The following SLC24A2 variants were observed in gnomAD, a reference collection of about 807,000 sequenced individuals.
SLC24A2 encodes the protein sodium/potassium/calcium exchanger 2.
SLC24A2 carries 36 observed loss-of-function variants against 62.0 expected under a neutral mutation model. That is an observed-to-expected ratio of 0.58 (90% CI 0.44 to 0.77). The LOEUF is 0.77. SLC24A2 is among the 30% of genes least tolerant of loss of function. SLC24A2 has a pLI of 0.00. For missense variants in SLC24A2, 846 were observed against 817.9 expected, an observed-to-expected ratio of 1.03 and a Z score of -0.42; for synonymous variants, 358 against 294.0, an observed-to-expected ratio of 1.22 and a Z score of -2.23.
intron 8 of SLC24A2, among the ~76,000 whole-genome samples, chr9:19,535,577 C>A (rs138543410): frequency 1.3e-5 from 2 of 152,164 alleles, no homozygotes; most frequent in Non-Finnish European, 1.5e-5. Context: ...ATGTGACTAG[C>A]CAATTTTCCC....
At chr9:19,662,828 C>T (rs1819141014) in intron 2 of SLC24A2, among the ~76,000 whole-genome samples, 1 of 152,172 alleles carries the variant, frequency 6.6e-6, no homozygotes, top group Non-Finnish European at 1.5e-5. Context: ...TATATACTCA[C>T]AATTGCTCCT....
the SLC24A2 span, among the ~76,000 whole-genome samples, chr9:19,873,536 C>CTTTCTTTCTT: frequency 2.8e-4 from 39 of 137,128 alleles, no homozygotes; most frequent in South Asian, 8.2e-3. Context: ...TCCTTTCTTT[C>CTTTCTTTCTT]TCTTTCTTTC....
At chr9:19,850,998 TA>T in the SLC24A2 span, among the ~76,000 whole-genome samples, 41 of 48,844 alleles carry the variant, frequency 8.4e-4, 5 homozygotes, top group Non-Finnish European at 1.0e-3. Context: ...TATATATATA[TA>T]TACACATACA....
chr9:20,205,682 A>G, the SLC24A2 span, among the ~76,000 whole-genome samples: 1 of 151,594 alleles, frequency 6.6e-6, no homozygotes, highest in Non-Finnish European at 1.5e-5. Context: ...AAACAAACAA[A>G]AAAACGTTTA....
the SLC24A2 span, among the ~76,000 whole-genome samples, chr9:19,939,507 C>T: frequency 1.3e-5 from 2 of 152,218 alleles, no homozygotes; most frequent in African/African-American, 2.4e-5. Context: ...CTGTACAGGG[C>T]GCTTACCACG....
At chr9:19,769,122 A>G (rs1822606998) in intron 2 of SLC24A2, among the ~76,000 whole-genome samples, 1 of 152,060 alleles carries the variant, frequency 6.6e-6, no homozygotes, top group African/African-American at 2.4e-5. Context: ...TCTCTTTTCT[A>G]CTTGAAACCC....
chr9:19,623,679 C>T (rs1817964140), intron 2 of SLC24A2, among the ~76,000 whole-genome samples: 3 of 152,188 alleles, frequency 2.0e-5, no homozygotes, highest in Admixed American at 1.3e-4. Flanking sequence ...AAATTCAACA[C>T]TTAATGAGGT....
chr9:20,176,688 T>C, the SLC24A2 span, among the ~76,000 whole-genome samples: 4 of 152,126 alleles, frequency 2.6e-5, no homozygotes, highest in Admixed American at 2.6e-4. Flanking sequence ...TAGACATTGG[T>C]GACTATGGGT....
the SLC24A2 span, among the ~76,000 whole-genome samples, chr9:20,253,328 T>C: frequency 3.3e-5 from 5 of 152,222 alleles, no homozygotes; most frequent in African/African-American, 9.6e-5. Context: ...TATCAAAGCA[T>C]TCATGAATGC....
At chr9:19,853,735 A>C in the SLC24A2 span, among the ~76,000 whole-genome samples, 2 of 152,150 alleles carry the variant, frequency 1.3e-5, no homozygotes, top group Non-Finnish European at 2.9e-5. Flanking sequence ...AGATTTTTGC[A>C]CCGATGTTCA....
chr9:20,045,419 C>CTTATTA, the SLC24A2 span, among the ~76,000 whole-genome samples: 39 of 151,592 alleles, frequency 2.6e-4, no homozygotes, highest in African/African-American at 8.2e-4. Context: ...AAAGGAACAC[C>CTTATTA]TTATTATTAT....
intron 2 of SLC24A2, among the ~76,000 whole-genome samples, chr9:19,723,597 A>G (rs557403777): frequency 1.3e-5 from 2 of 152,222 alleles, no homozygotes; most frequent in Admixed American, 1.3e-4. Context: ...CGAGTATAAC[A>G]CTAGAAGGGA....
chr9:20,110,774 A>G, the SLC24A2 span, among the ~76,000 whole-genome samples: 1 of 152,244 alleles, frequency 6.6e-6, no homozygotes, highest in Non-Finnish European at 1.5e-5. Flanking sequence ...TTGAAAAATT[A>G]TAGTTTCATA....
At chr9:19,931,842 AT>A in the SLC24A2 span, among the ~76,000 whole-genome samples, 2 of 152,182 alleles carry the variant, frequency 1.3e-5, no homozygotes, top group Non-Finnish European at 2.9e-5. Flanking sequence ...ATAACAATGA[AT>A]TCATTGAATA....
chr9:20,165,755 A>C, the SLC24A2 span, among the ~76,000 whole-genome samples: 1 of 151,924 alleles, frequency 6.6e-6, no homozygotes, highest in African/African-American at 2.4e-5. Context: ...AATGTGACTC[A>C]AAATCCACGT....
the SLC24A2 span, among the ~76,000 whole-genome samples, chr9:20,008,584 C>T: frequency 3.9e-5 from 6 of 152,140 alleles, no homozygotes; most frequent in East Asian, 1.2e-3. Context: ...TGTACTGGTG[C>T]CCTGGAGAAA....
chr9:19,653,101 C>A (rs964831687), intron 2 of SLC24A2, among the ~76,000 whole-genome samples: 3 of 152,296 alleles, frequency 2.0e-5, no homozygotes, highest in Admixed American at 2.0e-4. Context: ...TCACTGCTCA[C>A]CCCCCAAACT....
At chr9:19,942,787 G>A in the SLC24A2 span, among the ~76,000 whole-genome samples, 1 of 152,184 alleles carries the variant, frequency 6.6e-6, no homozygotes, top group East Asian at 1.9e-4. Flanking sequence ...GTAAGAGAAA[G>A]TAAAGCACAT....
At chr9:20,251,212 C>T in the SLC24A2 span, among the ~76,000 whole-genome samples, 2 of 152,216 alleles carry the variant, frequency 1.3e-5, no homozygotes, top group South Asian at 4.1e-4. Flanking sequence ...TTCTCTACTA[C>T]TTTCTCCTCC....
Sources: gnomAD v4.1 joint callset for allele counts (sites outside exome capture counted in the v4.1 genomes callset) on GRCh38, gnomAD v4.1.1 for gene constraint, MANE v1.5 for transcripts, NCBI Gene and HGNC (gene_info 2026-07-23, HGNC 2026-07-21) for gene names.